Variants in HLCS observed in about 807,000 individuals in gnomAD.
HLCS encodes the protein biotin--protein ligase.
HLCS carries 53 observed loss-of-function variants against 75.0 expected under a neutral mutation model. That is an observed-to-expected ratio of 0.71 (90% CI 0.57 to 0.89). The LOEUF is 0.89. Ranked by LOEUF, HLCS falls within the 40% of genes least tolerant of loss-of-function variation. HLCS has a pLI of 0.00. For synonymous variants in HLCS, 431 were observed against 428.6 expected, an observed-to-expected ratio of 1.01 and a Z score of -0.07; for missense variants, 966 against 1,074.0, an observed-to-expected ratio of 0.90 and a Z score of 1.41.
At chr21:36,963,484 G>A (rs993306118) in intron 1 of HLCS, among the ~76,000 whole-genome samples, 5 of 152,102 alleles carry the variant, frequency 3.3e-5, no homozygotes, top group South Asian at 2.1e-4. Flanking sequence ...CACTTAGGCC[G>A]GGCGCGGTGG....
intron 1 of HLCS, among the ~76,000 whole-genome samples, chr21:36,989,182 T>C (rs1366549795): frequency 4.6e-5 from 7 of 151,238 alleles, no homozygotes; most frequent in Admixed American, 6.6e-5. Flanking sequence ...AACGAACTTT[T>C]CTTATTTTTT....
chr21:36,899,343 G>A (rs1227274076), intron 5 of HLCS, among the ~76,000 whole-genome samples: 1 of 152,052 alleles, frequency 6.6e-6, no homozygotes, highest in African/African-American at 2.4e-5. Flanking sequence ...ATAAATTCAG[G>A]CCGGGCACAG....
intron 6 of HLCS, among the ~76,000 whole-genome samples, chr21:36,792,656 G>T (rs1334646687): frequency 6.6e-6 from 1 of 152,146 alleles, no homozygotes; most frequent in East Asian, 1.9e-4. Flanking sequence ...GAGAACTGAA[G>T]TTACTCATCC....
chr21:36,804,775 C>T (rs775530092), intron 6 of HLCS, among the ~76,000 whole-genome samples: 6 of 152,220 alleles, frequency 3.9e-5, no homozygotes, highest in South Asian at 4.2e-4. Context: ...GTTTCTAAAA[C>T]GGTATAAAAC....
chr21:36,795,718 CT>C (rs1440130082), intron 6 of HLCS, among the ~76,000 whole-genome samples: 1 of 152,230 alleles, frequency 6.6e-6, no homozygotes, highest in Non-Finnish European at 1.5e-5. Context: ...TTATTACTAA[CT>C]GTGGACAAGC....
In HLCS at chr21:36,779,102, A is replaced by C. The variant is rs1473296268; in HGVS notation, c.1893-11817T>G. On this transcript the variant is annotated intron_variant, in intron 6 of 10. Transcript: ENST00000674895. ...TTGGTATTCATGGAGGATTTGTTCC[A>C]GACTGCCTCCCAAGTCCCACAGTGA... 2.0e-5 allele frequency among the ~76,000 whole-genome samples: 3 copies of C among 152,164 alleles called. No homozygotes were observed. In the East Asian group the frequency reaches 5.8e-4, roughly 29 times the overall value.
chr21:36,781,776 G>A (rs1266793125), intron 6 of HLCS, among the ~76,000 whole-genome samples: 1 of 152,058 alleles, frequency 6.6e-6, no homozygotes, highest in Non-Finnish European at 1.5e-5. Flanking sequence ...GGGCCTCCTT[G>A]CCATGTTTCT....
At chr21:36,978,759 C>T (rs1018482495) in intron 1 of HLCS, among the ~76,000 whole-genome samples, 11 of 152,128 alleles carry the variant, frequency 7.2e-5, no homozygotes, top group Admixed American at 5.2e-4. Flanking sequence ...GTACGTGTCA[C>T]CGAGCAAAGC....
intron 2 of HLCS, among the ~76,000 whole-genome samples, chr21:36,940,270 A>G (rs1269022086): frequency 6.6e-6 from 1 of 152,154 alleles, no homozygotes; most frequent in Non-Finnish European, 1.5e-5. Flanking sequence ...TCCTAAAGAT[A>G]CCTTCTCAGG....
At chr21:36,907,374 G>A (rs1339554552) in intron 5 of HLCS, among the ~76,000 whole-genome samples, 2 of 152,132 alleles carry the variant, frequency 1.3e-5, no homozygotes, top group African/African-American at 2.4e-5. Context: ...AGATAATGCT[G>A]GCCAGACATG....
chr21:36,924,345 A>C (rs950743615), intron 5 of HLCS, among the ~76,000 whole-genome samples: 1 of 152,196 alleles, frequency 6.6e-6, no homozygotes, highest in Non-Finnish European at 1.5e-5. Context: ...GGATGACCTG[A>C]GGTCAGGAGT....
Position 36,765,138 on chromosome 21 carries a change from T to A in HLCS, c.1995A>T (p.Gly665=). The A allele has an allele frequency of 2.5e-6, 4 of 1,613,946 alleles. No individual in the cohort carries two copies. Among genetic ancestry groups the A allele is most frequent in the South Asian group, 1.1e-5 (1 of 91,072 alleles). The change falls in exon 8 of 11, where the codon GGA becomes GGT. Residue 665 remains glycine (G), a synonymous_variant. Transcript: ENST00000674895. ...RGGNVWLSPV[G]CALSTLLISI... ...AGATGAGCAGAGTAGAAAGAGCACATCCCACAGGGCTCAGCCACACATTCC... is the reference window on the plus strand; with the variant it reads ...AGATGAGCAGAGTAGAAAGAGCACAACCCACAGGGCTCAGCCACACATTCC...
At chr21:36,917,584 C>A (rs2065986071) in intron 5 of HLCS, among the ~76,000 whole-genome samples, 1 of 152,188 alleles carries the variant, frequency 6.6e-6, no homozygotes, top group African/African-American at 2.4e-5. Context: ...CTACGTCATA[C>A]CTGGCTGTAA....
At position 36,872,148 on chromosome 21, in the gene HLCS, C is replaced by T. The variant is rs546454566; in HGVS notation, c.1892+24712G>A. Reference sequence around the variant, plus strand: ...CCTTTAATACTTCAGCTGGGCTGGGCGCGGTGGCTCACACCTGTAATCCTA... The same window carrying T: ...CCTTTAATACTTCAGCTGGGCTGGGTGCGGTGGCTCACACCTGTAATCCTA... On this transcript the variant is annotated intron_variant, in intron 6 of 10. Coordinates refer to ENST00000674895, the MANE Select transcript of HLCS (RefSeq NM_001352514.2). Among the ~76,000 whole-genome samples, 113 of 152,138 alleles carry T rather than the reference C, an allele frequency of 7.4e-4. 1 individual carries two copies. The highest frequency in any genetic ancestry group is 1.3e-3 in the Non-Finnish European group (88 of 67,974).
chr21:36,761,052 G>A (rs143879696), intron 8 of HLCS, among the ~76,000 whole-genome samples: 7 of 152,354 alleles, frequency 4.6e-5, no homozygotes, highest in Non-Finnish European at 1.0e-4. Flanking sequence ...CAAGGGCCAC[G>A]GGGCTGGTCT....
intron 6 of HLCS, among the ~76,000 whole-genome samples, chr21:36,801,675 C>A (rs1057063460): frequency 6.6e-5 from 10 of 152,132 alleles, no homozygotes; most frequent in Non-Finnish European, 1.5e-4. Flanking sequence ...ACTTTCCTTC[C>A]TAGTCAAGGG....
chr21:36,983,105 G>A (rs1311185595), intron 1 of HLCS, among the ~76,000 whole-genome samples: 2 of 152,122 alleles, frequency 1.3e-5, no homozygotes, highest in African/African-American at 4.8e-5. Flanking sequence ...GCAGTGATAT[G>A]AGAATCCTGG....
intron 1 of HLCS, chr21:36,973,480 T>C (rs1006000044): frequency 1.3e-5 from 2 of 152,158 alleles, no homozygotes; most frequent in African/African-American, 2.4e-5. Flanking sequence ...TTCATGAGAA[T>C]TGGTATACAC....
intron 1 of HLCS, chr21:36,972,215 A>G (rs1326060071): frequency 2.0e-5 from 3 of 152,230 alleles, no homozygotes; most frequent in Non-Finnish European, 4.4e-5. Flanking sequence ...TTATCAGTCT[A>G]TGTGGGAGCT....
Sources: allele counts gnomAD v4.1 joint callset (sites outside exome capture counted in the v4.1 genomes callset), GRCh38; gene constraint gnomAD v4.1.1; transcripts MANE v1.5; gene names NCBI Gene and HGNC (gene_info 2026-07-23, HGNC 2026-07-21).